The following FGFR3 variants were observed in gnomAD, a reference collection of about 807,000 sequenced individuals.
FGFR3 encodes the protein fibroblast growth factor receptor 3.
A neutral mutation model predicts 82.9 loss-of-function variants in FGFR3; 25 were observed. The observed-to-expected ratio is 0.30, with a 90% CI of 0.22 to 0.42. The LOEUF (loss-of-function observed/expected upper bound fraction) is 0.42. Ranked by LOEUF, FGFR3 falls within the 10% of genes least tolerant of loss-of-function variation. The probability of loss-of-function intolerance (pLI) is 1.00; values close to 1 mark genes in which losing one functional copy is unlikely to be tolerated. For synonymous variants in FGFR3, 620 were observed against 516.0 expected (o/e 1.20, Z -2.73); for missense variants, 1,026 against 1,161.0 (o/e 0.88, Z 1.69).
chr4:1,795,358 G>A (rs974394026), intron 2 of FGFR3, among the ~76,000 whole-genome samples: 2 of 151,886 alleles, frequency 1.3e-5, no homozygotes, highest in African/African-American at 4.8e-5. Context: ...GCCAGGCTGC[G>A]GAGCCTCTCC....
chr4:1,803,283 C>G (rs994612140), intron 7 of FGFR3: 6 of 577,820 alleles, frequency 1.0e-5, no homozygotes, highest in Non-Finnish European at 1.7e-5. Flanking sequence ...CCTGCGACCC[C>G]CACAGGAGGT....
chr4:1,797,015 G>T (rs1720594154), intron 2 of FGFR3, among the ~76,000 whole-genome samples: 1 of 152,168 alleles, frequency 6.6e-6, no homozygotes. Context: ...GCGCCGGCAG[G>T]AGCACGTGTT....
At chr4:1,800,626 G>A (rs1242641532) in intron 4 of FGFR3, among the ~76,000 whole-genome samples, 1 of 152,154 alleles carries the variant, frequency 6.6e-6, no homozygotes, top group Non-Finnish European at 1.5e-5. Flanking sequence ...TGTCCACACT[G>A]CTGCTTGCTG....
Position 1,806,076 on chromosome 4 carries a change from G to A in FGFR3, c.1862G>A (p.Arg621His), listed in dbSNP as rs121913113. ...QKCIHRDLAARNVLVTEDNVM... is the reference protein window; with the variant it reads ...QKCIHRDLAAHNVLVTEDNVM... ...TGCATCCACAGGGACCTGGCTGCCC[G>A]CAATGTGCTGGTGACCGAGGACAAC... is the stretch of plus-strand genomic sequence containing the variant. The change falls in exon 14 of 18, where the codon CGC becomes CAC. Residue 621 changes from arginine to histidine, a missense_variant. This residue lies in a region of FGFR3 where 11 missense variants were observed against 23.8 expected (regional missense o/e 0.46). Coordinates refer to ENST00000440486, the MANE Select transcript of FGFR3 (RefSeq NM_000142.5). 1 of 1,613,614 alleles carries A rather than the reference G, an allele frequency of 6.2e-7. No homozygotes were observed. The highest frequency in any genetic ancestry group is 8.5e-7 in the Non-Finnish European group (1 of 1,179,956).
At chr4:1,797,606 A>G (rs2108765863) in intron 2 of FGFR3, among the ~76,000 whole-genome samples, 1 of 152,278 alleles carries the variant, frequency 6.6e-6, no homozygotes, top group East Asian at 1.9e-4. Flanking sequence ...AGGCTGCCAT[A>G]ACCAGCCTGT....
intron 7 of FGFR3, chr4:1,803,283 C>A: frequency 1.7e-6 from 1 of 577,820 alleles, no homozygotes; most frequent in South Asian, 2.6e-5. Flanking sequence ...CCTGCGACCC[C>A]CACAGGAGGT....
At position 1,806,740 on chromosome 4, in the gene FGFR3, C is replaced by T. The variant is rs900874769; in HGVS notation, c.2168+57C>T. On this transcript the variant is annotated intron_variant, in intron 16 of 17. Transcript: ENST00000440486. The stretch of plus-strand genomic sequence containing the variant: ...CTCAGGGGTGGGGGTCCCTCCGGGG[C>T]TGGGCGGGGGAGGGACTGGCAGCCC... 21 of 1,296,230 alleles carry T rather than the reference C, an allele frequency of 1.6e-5. No homozygotes were observed. The African/African-American group carries it at 2.6e-4, about 16-fold the overall frequency. The allele number at this position is 1,296,230 out of a possible 1,614,324, so 80.3% of individuals were successfully genotyped here.
intron 3 of FGFR3, 81 bp downstream of exon 3, chr4:1,799,604 G>A (rs1379947941): frequency 1.9e-6 from 3 of 1,549,772 alleles, no homozygotes; most frequent in African/African-American, 2.7e-5. Context: ...AGGAGCGGCT[G>A]GGGGTCTCTC....
rs78940694 is a variant in FGFR3 at position 1,804,584 on chromosome 4, C to T, written c.1266+64C>T. On this transcript the variant is annotated intron_variant, in intron 9 of 17. Coordinates refer to ENST00000440486, the MANE Select transcript of FGFR3 (RefSeq NM_000142.5). ...CGCCAGGCCTCCTGGAGCCCCACCT[C>T]GGCCCACGCTGGTCCTGGGCTGTGT... The T allele has an allele frequency of 1.2e-3, 1,891 of 1,592,406 alleles. 25 individuals are homozygous for T. In the African/African-American group the frequency reaches 0.02, roughly 17 times the overall value.
At chr4:1,806,369 G>A (rs946143796) in intron 15 of FGFR3, 42 bp downstream of exon 15, 10 of 1,610,810 alleles carry the variant, frequency 6.2e-6, no homozygotes, top group Non-Finnish European at 8.5e-6. Context: ...GTGGAGGCGG[G>A]AACTGGGCAG....
intron 4 of FGFR3, among the ~76,000 whole-genome samples, chr4:1,800,747 C>T (rs570866314): frequency 8.5e-5 from 13 of 152,232 alleles, no homozygotes; most frequent in Non-Finnish European, 1.3e-4. Context: ...CCTGGAGTCC[C>T]GGCAGGAAGG....
chr4:1,808,014 A>T lies in FGFR3; in HGVS notation c.*752A>T. Reference sequence around the variant, plus strand: ...CTGGGCGGGGCGTGGGGGGGCGTGGAGGGAGGCCCCAGGGGGTCTCACCCA... The same window carrying T: ...CTGGGCGGGGCGTGGGGGGGCGTGGTGGGAGGCCCCAGGGGGTCTCACCCA... On this transcript the variant is annotated 3_prime_UTR_variant, in exon 18 of 18. Coordinates refer to ENST00000440486, the MANE Select transcript of FGFR3 (RefSeq NM_000142.5). 1 of 235,382 alleles carries T rather than the reference A, an allele frequency of 4.2e-6. No homozygotes were observed. The highest frequency in any genetic ancestry group is 8.4e-6 in the Non-Finnish European group (1 of 119,446). 14.6% of individuals were successfully genotyped at this position (235,382 alleles called of 1,614,324 possible). A position where few individuals can be genotyped will look rare whatever the true frequency, so the allele number is the denominator to read the frequency against.
Position 1,807,464 on chromosome 4 carries a change from G to A in FGFR3, c.*202G>A, listed in dbSNP as rs3135902. 2.9e-3 allele frequency: 2,353 copies of A among 814,726 alleles called. 9 individuals are homozygous for A. The highest frequency in any genetic ancestry group is 7.8e-3 in the Middle Eastern group (33 of 4,224). The allele number at this position is 814,726 out of a possible 1,614,324, so 50.5% of individuals were successfully genotyped here. On this transcript the variant is annotated 3_prime_UTR_variant, in exon 18 of 18. Transcript: ENST00000440486. Reference sequence around the variant, plus strand: ...GTGCGTGCGCATCTTGCCTCCAGGTGCAGAGGTACCCTGGGTGTCCCCGCT... The same window carrying A: ...GTGCGTGCGCATCTTGCCTCCAGGTACAGAGGTACCCTGGGTGTCCCCGCT...
intron 7 of FGFR3, 35 bp from the exon 8 acceptor site, chr4:1,803,657 T>G: frequency 6.2e-7 from 1 of 1,608,268 alleles, no homozygotes; most frequent in Non-Finnish European, 8.5e-7. Context: ...AGGGCGGTGC[T>G]GGCGCTCGCC....
At position 1,806,035 on chromosome 4, in the gene FGFR3, C is replaced by T. The variant is rs1408253140; in HGVS notation, c.1837-16C>T. 2 of 1,613,158 alleles carry T rather than the reference C, an allele frequency of 1.2e-6. No individual in the cohort carries two copies. The highest frequency in any genetic ancestry group is 1.3e-5 in the African/African-American group (1 of 75,040). The stretch of plus-strand genomic sequence containing the variant: ...AGGTGGAGAGGCTTCAGCCCTGCCT[C>T]CCACCCCTTCCCCAGTGCATCCACA... On this transcript the variant is annotated splice_polypyrimidine_tract_variant and intron_variant, in intron 13 of 17. Coordinates refer to ENST00000440486, the MANE Select transcript of FGFR3 (RefSeq NM_000142.5).
At chr4:1,798,493 G>C (rs1056733090) in intron 2 of FGFR3, among the ~76,000 whole-genome samples, 13 of 151,898 alleles carry the variant, frequency 8.6e-5, no homozygotes, top group Admixed American at 5.9e-4. Context: ...AGCTTCCATA[G>C]GAGCTGCAGG....
chr4:1,804,635 TCC>T, intron 9 of FGFR3, 115 bp downstream of exon 9: 2 of 1,474,442 alleles, frequency 1.4e-6, no homozygotes, highest in Non-Finnish European at 1.9e-6. Flanking sequence ...CCAGGCGGGC[TCC>T]CCTCTCCTCG....
At chr4:1,802,895 G>C in intron 7 of FGFR3, 1 of 1,576,674 alleles carries the variant, frequency 6.3e-7, no homozygotes, top group Non-Finnish European at 8.6e-7. Context: ...TGCCTGAGCC[G>C]GGTCTCTTGT....
intron 8 of FGFR3, 28 bp from the exon 9 acceptor site, chr4:1,804,302 C>G (rs371776477): frequency 1.3e-6 from 2 of 1,571,166 alleles, no homozygotes; most frequent in South Asian, 2.4e-5. Context: ...GGGGGCCAGG[C>G]CAGGCCTCAA....
Sources: gnomAD v4.1 joint callset for allele counts (sites outside exome capture counted in the v4.1 genomes callset) on GRCh38, gnomAD v4.1.1 for gene constraint, gnomAD v4.1.1 regional missense constraint, MANE v1.5 for transcripts, NCBI Gene and HGNC (gene_info 2026-07-23, HGNC 2026-07-21) for gene names.